ATP2B2: variants seen among roughly 807,000 people sequenced by gnomAD.
ATP2B2 encodes the protein ATPase plasma membrane Ca2+ transporting 2, also known as plasma membrane calcium-transporting ATPase 2.
Under a neutral mutation model 120.0 loss-of-function variants are expected in ATP2B2, and 15 were observed. The ratio of observed to expected loss-of-function variants is 0.12; its 90% CI spans 0.08 to 0.19. The LOEUF (loss-of-function observed/expected upper bound fraction) is 0.19. Among genes scored for constraint, ATP2B2 ranks in the 10% least tolerant of loss-of-function variants. The pLI, the probability that ATP2B2 is intolerant of heterozygous loss-of-function variation, is 1.00. For missense variants in ATP2B2, 1,045 were observed against 1,719.8 expected (o/e 0.61, Z 6.94); for synonymous variants, 694 against 700.3 (o/e 0.99, Z 0.14).
intron 2 of ATP2B2, among the ~76,000 whole-genome samples, chr3:10,556,404 C>G (rs1252476415): frequency 2.0e-5 from 3 of 152,178 alleles, no homozygotes; most frequent in African/African-American, 7.2e-5. Context: ...GAGACAAATG[C>G]TGAACAAACT....
intron 1 of ATP2B2, among the ~76,000 whole-genome samples, chr3:10,641,987 TCCACCCA>T (rs2070184537): frequency 1.0e-3 from 1 of 954 alleles, no homozygotes; most frequent in South Asian, 0.062. Flanking sequence ...CACACACTCA[TCCACCCA>T]TCCACCCATC....
chr3:10,606,540 T>C (rs1018336773), intron 2 of ATP2B2, among the ~76,000 whole-genome samples: 1 of 152,118 alleles, frequency 6.6e-6, no homozygotes, highest in Non-Finnish European at 1.5e-5. Flanking sequence ...GGCTTGTATA[T>C]TGGGTTGGAG....
At chr3:10,632,335 G>A (rs933805823) in intron 1 of ATP2B2, among the ~76,000 whole-genome samples, 9 of 152,170 alleles carry the variant, frequency 5.9e-5, no homozygotes, top group South Asian at 2.1e-4. Flanking sequence ...TCGTCTCCCC[G>A]TTTTCACGCA....
Position 10,338,218 on chromosome 3 carries a change from G to A in ATP2B2, c.3378C>T (p.Gly1126=). The A allele has an allele frequency of 3.7e-6, 6 of 1,614,132 alleles. No homozygotes were observed. Among genetic ancestry groups the A allele is most frequent in the Non-Finnish European group, 5.1e-6 (6 of 1,180,016 alleles). ...TCAGGCCTCGGAACCACAGGATCTG[G>A]CCCCGCCGCAGCTCCCGCTCCGCGT... The part of the protein sequence containing the change: ...IDHAERELRR[G]QILWFRGLNR... The change falls in exon 22 of 23, where the codon GGC becomes GGT. Residue 1126 remains glycine, a synonymous_variant. Coordinates refer to ENST00000360273, the MANE Select transcript of ATP2B2 (RefSeq NM_001001331.4).
chr3:10,663,038 A>T (rs2070829910), intron 1 of ATP2B2, among the ~76,000 whole-genome samples: 1 of 143,260 alleles, frequency 7.0e-6, no homozygotes, highest in African/African-American at 2.6e-5. Flanking sequence ...TGGGAATTGA[A>T]CAATGAGAAC....
chr3:10,661,244 C>T (rs1368368629), intron 1 of ATP2B2, among the ~76,000 whole-genome samples: 4 of 151,908 alleles, frequency 2.6e-5, no homozygotes, highest in African/African-American at 4.8e-5. Flanking sequence ...GAAGTTCTGG[C>T]GAGGGCAATC....
At chr3:10,685,651 C>T (rs978628380) in intron 1 of ATP2B2, among the ~76,000 whole-genome samples, 1 of 152,218 alleles carries the variant, frequency 6.6e-6, no homozygotes, top group Non-Finnish European at 1.5e-5. Flanking sequence ...GCTGCTTCCA[C>T]CCAGAGGGGG....
chr3:10,546,038 G>A (rs1247627705), intron 2 of ATP2B2, among the ~76,000 whole-genome samples: 1 of 152,140 alleles, frequency 6.6e-6, no homozygotes, highest in Non-Finnish European at 1.5e-5. Context: ...ATGTTGGTGG[G>A]GTTAGGATGT....
chr3:10,350,228 C>T (rs777513130), intron 15 of ATP2B2, 29 bp from the exon 16 acceptor site: 27 of 410,024 alleles, frequency 6.6e-5, no homozygotes, highest in Admixed American at 2.5e-4. Flanking sequence ...GGGGGCGGGT[C>T]GGTGGGGTCG....
intron 2 of ATP2B2, among the ~76,000 whole-genome samples, chr3:10,540,561 C>T (rs1031228457): frequency 2.0e-5 from 3 of 151,934 alleles, no homozygotes; most frequent in African/African-American, 7.3e-5. Context: ...GAGTTAATGT[C>T]CTTTGTAGGG....
Position 10,327,086 on chromosome 3 carries a change from C to T in ATP2B2, c.*1728G>A. 2.6e-6 allele frequency: 1 copy of T among 381,632 alleles called. No individual in the cohort carries two copies. Among genetic ancestry groups the T allele is most frequent in the Admixed American group, 4.5e-5 (1 of 22,236 alleles). 23.6% of individuals were successfully genotyped at this position (381,632 alleles called of 1,614,324 possible). A position where few individuals can be genotyped will look rare whatever the true frequency, so the allele number is the denominator to read the frequency against. ...GAAAAAAGATCATATGCTGAAAAGT[C>T]TCAAAGCAAACTTTGTATTAAATAC... On this transcript the variant is annotated 3_prime_UTR_variant, in exon 23 of 23. Transcript: ENST00000360273.
chr3:10,492,887 C>T (rs1488492001), intron 1 of ATP2B2, among the ~76,000 whole-genome samples: 3 of 152,182 alleles, frequency 2.0e-5, no homozygotes, highest in Non-Finnish European at 4.4e-5. Context: ...AGGCTGCCAC[C>T]CAGGATGGCT....
chr3:10,533,602 C>T (rs533954332), intron 3 of ATP2B2, among the ~76,000 whole-genome samples: 3 of 152,320 alleles, frequency 2.0e-5, no homozygotes, highest in South Asian at 4.1e-4. Flanking sequence ...CCAGCTCCAA[C>T]GCTTCATGTG....
chr3:10,689,920 G>A (rs1483914619), intron 1 of ATP2B2, among the ~76,000 whole-genome samples: 1 of 152,194 alleles, frequency 6.6e-6, no homozygotes, highest in Non-Finnish European at 1.5e-5. Context: ...AGAGGAATGG[G>A]GAACACCCAA....
chr3:10,610,668 A>G (rs1376770804), intron 2 of ATP2B2, among the ~76,000 whole-genome samples: 1 of 152,130 alleles, frequency 6.6e-6, no homozygotes, highest in Non-Finnish European at 1.5e-5. Context: ...CCATCCTCCC[A>G]AATCCACATA....
chr3:10,385,049 C>G lies in ATP2B2; in HGVS notation c.1000+219G>C, dbSNP rs115083370. Reference sequence around the variant, plus strand: ...GTCAAGGGCTCGACAGGAGCCAGCACCTTTTTGGCAGCTGTGAGGCTGACA... The same window carrying G: ...GTCAAGGGCTCGACAGGAGCCAGCAGCTTTTTGGCAGCTGTGAGGCTGACA... On this transcript the variant is annotated intron_variant, in intron 8 of 22. Coordinates refer to ENST00000360273, the MANE Select transcript of ATP2B2 (RefSeq NM_001001331.4). 7.1e-3 allele frequency among the ~76,000 whole-genome samples: 1,085 copies of G among 152,346 alleles called. 10 individuals are homozygous for G. Among genetic ancestry groups the G allele is most frequent in the African/African-American group, 0.024 (994 of 41,572 alleles).
Position 10,350,531 on chromosome 3 carries a change from C to A in ATP2B2, c.2183G>T (p.Arg728Leu), listed in dbSNP as rs780440699. The A allele has an allele frequency of 2.5e-6, 4 of 1,614,030 alleles. No individual in the cohort carries two copies. In the Admixed American group the frequency reaches 5.0e-5, roughly 20 times the overall value. Reference protein sequence around the residue: ...RKCQRAGITVRMVTGDNINTA... With the variant: ...RKCQRAGITVLMVTGDNINTA... ...GTTGATATTGTCGCCAGTGACCATG[C>A]GGACCGTGATGCCTGCCCGCTGGCA... The change falls in exon 15 of 23, where the codon CGC becomes CTC. Residue 728 changes from arginine to leucine, a missense_variant. Transcript: ENST00000360273.
At chr3:10,415,654 A>C (rs988077640) in intron 2 of ATP2B2, among the ~76,000 whole-genome samples, 1 of 152,150 alleles carries the variant, frequency 6.6e-6, no homozygotes, top group Non-Finnish European at 1.5e-5. Flanking sequence ...GAAAATTAAC[A>C]CACATATTTT....
chr3:10,404,169 G>A (rs1375889990), intron 3 of ATP2B2, among the ~76,000 whole-genome samples: 1 of 152,102 alleles, frequency 6.6e-6, no homozygotes, highest in Non-Finnish European at 1.5e-5. Flanking sequence ...GAATCACTGT[G>A]GCCCAGCTGC....
Sources: gnomAD v4.1 joint callset for allele counts (sites outside exome capture counted in the v4.1 genomes callset) on GRCh38, gnomAD v4.1.1 for gene constraint, MANE v1.5 for transcripts, NCBI Gene and HGNC (gene_info 2026-07-23, HGNC 2026-07-21) for gene names.